The following ZNF280D variants were observed in gnomAD, a reference collection of about 807,000 sequenced individuals.
ZNF280D encodes zinc finger protein 280D, also known as suppressor of hairy wing homolog 4.
Under a neutral mutation model 94.7 loss-of-function variants are expected in ZNF280D, and 39 were observed. The observed-to-expected ratio is 0.41, with a 90% confidence interval of 0.32 to 0.54. ZNF280D has a LOEUF of 0.54. Among genes scored for constraint, ZNF280D ranks in the 20% least tolerant of loss-of-function variants. The pLI is 0.22. For synonymous variants in ZNF280D, 398 were observed against 377.6 expected (o/e 1.05, Z -0.63); for missense variants, 1,090 against 1,149.3 (o/e 0.95, Z 0.75).
At position 56,631,613 on chromosome 15, in the gene ZNF280D, G is replaced by A; in HGVS notation, c.2825C>T (p.Pro942Leu). Residue 942 changes from proline to leucine, a missense_variant, in exon 22 of 22, where the codon CCT (proline) becomes CTT (leucine). Transcript: ENST00000267807. ...TEILQKGSGD[P>L]SAKTDEVVSD... ...CACTACTTCATCAGTCTTGGCTGAA[G>A]GATCACCACTACCTTTCTGAAGAAT... is the stretch of plus-strand genomic sequence containing the variant. 2 of 1,614,072 alleles carry A rather than the reference G, an allele frequency of 1.2e-6. No individual in the cohort carries two copies. Among genetic ancestry groups the A allele is most frequent in the Non-Finnish European group, 1.7e-6 (2 of 1,180,004 alleles).
intron 16 of ZNF280D, among the ~76,000 whole-genome samples, chr15:56,662,340 G>C (rs1256212089): frequency 6.6e-6 from 1 of 151,962 alleles, no homozygotes; most frequent in Non-Finnish European, 1.5e-5. Flanking sequence ...TCTTTGAAAA[G>C]ATCTTACTCC....
At chr15:56,696,551 GTCA>G (rs1161738878) in intron 6 of ZNF280D, among the ~76,000 whole-genome samples, 2 of 152,070 alleles carry the variant, frequency 1.3e-5, no homozygotes, top group African/African-American at 4.8e-5. Flanking sequence ...GACTTTCTGG[GTCA>G]TAATAATATA....
intron 9 of ZNF280D, among the ~76,000 whole-genome samples, chr15:56,686,785 T>C (rs1334037163): frequency 1.3e-5 from 2 of 152,050 alleles, no homozygotes; most frequent in Non-Finnish European, 2.9e-5. Context: ...GAAACTGAGT[T>C]TTGAAAGCTA....
chr15:56,728,536 T>C (rs575045381), intron 1 of ZNF280D, among the ~76,000 whole-genome samples: 1 of 152,306 alleles, frequency 6.6e-6, no homozygotes, highest in East Asian at 1.9e-4. Context: ...TTTCAAAAAT[T>C]CTTCCAGTAT....
chr15:56,708,864 G>A (rs2057581735), intron 1 of ZNF280D, among the ~76,000 whole-genome samples: 1 of 151,924 alleles, frequency 6.6e-6, no homozygotes, highest in Non-Finnish European at 1.5e-5. Context: ...AATTCAAGAT[G>A]GATTAAAGAC....
intron 16 of ZNF280D, among the ~76,000 whole-genome samples, chr15:56,662,052 A>C (rs1216294318): frequency 6.6e-6 from 1 of 152,166 alleles, no homozygotes; most frequent in Non-Finnish European, 1.5e-5. Flanking sequence ...GTACATAATA[A>C]AATACATGAA....
Position 56,654,384 on chromosome 15 carries a change from C to G in ZNF280D, c.2176+1G>C. On this transcript the variant is annotated splice_donor_variant, in intron 18 of 21. Coordinates refer to ENST00000267807, the MANE Select transcript of ZNF280D (RefSeq NM_017661.4). LOFTEE classifies it high-confidence loss of function. The stretch of plus-strand genomic sequence containing the variant: ...AAAGTAGCACAGTTACATATACGTA[C>G]CTTTCTGCATTACAACTTGGCAAGT... The G allele has an allele frequency of 6.2e-7, 1 of 1,604,240 alleles. No individual in the cohort carries two copies. The highest frequency in any genetic ancestry group is 1.1e-5 in the South Asian group (1 of 88,678).
intron 18 of ZNF280D, 70 bp downstream of exon 18, chr15:56,654,315 A>G (rs2053395310): frequency 6.3e-7 from 1 of 1,598,704 alleles, no homozygotes; most frequent in South Asian, 1.1e-5. Context: ...TAAAGAGACC[A>G]TATTGTGGAT....
intron 21 of ZNF280D, among the ~76,000 whole-genome samples, chr15:56,633,781 G>A (rs188511743): frequency 3.9e-4 from 59 of 152,064 alleles, no homozygotes; most frequent in African/African-American, 1.4e-3. Flanking sequence ...GAGCCACAGC[G>A]CCCAGCCAAA....
chr15:56,714,879 G>A (rs1157754577), intron 1 of ZNF280D, among the ~76,000 whole-genome samples: 1 of 152,064 alleles, frequency 6.6e-6, no homozygotes, highest in Non-Finnish European at 1.5e-5. Context: ...TCTTTCTAAT[G>A]CAAGATGCAA....
In ZNF280D at chr15:56,700,974, A is replaced by G. The variant is rs1388386164; in HGVS notation, c.340T>C (p.Ser114Pro). 1.9e-6 allele frequency: 3 copies of G among 1,613,800 alleles called. No individual in the cohort carries two copies. The highest frequency in any genetic ancestry group is 3.3e-5 in the Admixed American group (2 of 59,970). The stretch of plus-strand genomic sequence containing the variant: ...TGAACAATAACAGAACTATCTGAAG[A>G]TCTAGACTCAGGATGAAAATTTATT... ...SPINFHPESR[S>P]SDSSVIVQPF... Residue 114 changes from serine to proline, a missense_variant, in exon 6 of 22, where the codon TCT becomes CCT. Physicochemically the swap from Ser to Pro is moderately conservative, Grantham distance 74. Transcript: ENST00000267807.
chr15:56,707,519 T>C (rs970181450), intron 1 of ZNF280D, among the ~76,000 whole-genome samples: 1 of 152,202 alleles, frequency 6.6e-6, no homozygotes, highest in Non-Finnish European at 1.5e-5. Flanking sequence ...AGAAATGTGA[T>C]GATTTGTAAA....
chr15:56,648,843 T>C (rs1865788682), intron 19 of ZNF280D, among the ~76,000 whole-genome samples: 3 of 152,070 alleles, frequency 2.0e-5, no homozygotes, highest in African/African-American at 4.8e-5. Flanking sequence ...ATACAACAAA[T>C]TTAGTATACC....
intron 7 of ZNF280D, 149 bp from the exon 8 acceptor site, chr15:56,689,619 T>C (rs1181691200): frequency 4.0e-6 from 2 of 494,904 alleles, no homozygotes; most frequent in African/African-American, 4.0e-5. Flanking sequence ...TGATCCAAAC[T>C]CAAGGGTGTA....
chr15:56,649,984 C>T (rs1158038674), intron 19 of ZNF280D, among the ~76,000 whole-genome samples: 2 of 151,968 alleles, frequency 1.3e-5, no homozygotes, highest in South Asian at 4.1e-4. Flanking sequence ...TCTTCTGATA[C>T]AGCATTTCAC....
rs370458226 is a variant in ZNF280D, at chr15:56,712,740, C to CTTT, written c.-85-5437_-85-5435dup. The stretch of plus-strand genomic sequence containing the variant: ...TGATTATGAGGAACATGGTGAATGG[C>CTTT]TTTTTTTTTTTTTTTTCTGAGGTGG... On this transcript the variant is annotated intron_variant, in intron 1 of 21. Transcript: ENST00000267807. 2.1e-4 allele frequency among the ~76,000 whole-genome samples: 28 copies of CTTT among 133,484 alleles called. 2 individuals are homozygous for CTTT. The highest frequency in any genetic ancestry group is 1.9e-3 in the South Asian group (8 of 4,240). 87.6% of individuals were successfully genotyped at this position (133,484 alleles called of 152,430 possible). A position where few individuals can be genotyped will look rare whatever the true frequency, so the allele number is the denominator to read the frequency against.
At chr15:56,714,715 G>A (rs1454729106) in intron 1 of ZNF280D, among the ~76,000 whole-genome samples, 1 of 152,116 alleles carries the variant, frequency 6.6e-6, no homozygotes, top group Non-Finnish European at 1.5e-5. Flanking sequence ...CAAAGAATTA[G>A]CACGTTAATT....
intron 10 of ZNF280D, among the ~76,000 whole-genome samples, chr15:56,681,412 G>A (rs1049618953): frequency 1.3e-5 from 2 of 152,114 alleles, no homozygotes; most frequent in East Asian, 3.9e-4. Context: ...AGGATGAAGA[G>A]ATACATAATA....
At chr15:56,668,305 A>G (rs192368779) in intron 14 of ZNF280D, 40 of 375,312 alleles carry the variant, frequency 1.1e-4, no homozygotes, top group East Asian at 7.8e-4. Context: ...GTAAATTACA[A>G]TCATCAGTAT....
Sources: allele counts gnomAD v4.1 joint callset (sites outside exome capture counted in the v4.1 genomes callset), GRCh38; gene constraint gnomAD v4.1.1; transcripts MANE v1.5; gene names NCBI Gene and HGNC (gene_info 2026-07-23, HGNC 2026-07-21).